MCC: variants seen among roughly 807,000 people sequenced by gnomAD.
The protein encoded by MCC is MCC regulator of Wnt signaling pathway.
MCC carries 90 observed loss-of-function variants against 116.2 expected under a neutral mutation model. That is an observed-to-expected ratio of 0.77 (90% CI 0.65 to 0.92). The LOEUF (loss-of-function observed/expected upper bound fraction) is 0.92. Ranked by LOEUF, MCC falls within the 40% of genes least tolerant of loss-of-function variation. The pLI is 0.00. For missense variants in MCC, 1,516 were observed against 1,312.2 expected, an observed-to-expected ratio of 1.16 and a Z score of -2.40; for synonymous variants, 578 against 510.5, an observed-to-expected ratio of 1.13 and a Z score of -1.78.
rs887655611 is a variant in MCC, at chr5:113,467,028, G to A, written c.170+21217C>T. On this transcript the variant is annotated intron_variant, in intron 1 of 18. Transcript: ENST00000408903. ...TATCCTTTGCCCACTTTTTGATGGG[G>A]TTGTTTGTTTTTTTCTTGTAAATTT... Among the ~76,000 whole-genome samples the A allele has an allele frequency of 1.4e-3, 209 of 150,714 alleles. 1 individual carries two copies. The highest frequency in any genetic ancestry group is 2.3e-3 in the Non-Finnish European group (154 of 67,286).
chr5:113,406,572 C>G (rs940482391), intron 1 of MCC, among the ~76,000 whole-genome samples: 8 of 152,166 alleles, frequency 5.3e-5, no homozygotes, highest in African/African-American at 1.9e-4. Context: ...TATTTGTAGT[C>G]TACATCTATA....
intron 3 of MCC, among the ~76,000 whole-genome samples, chr5:113,234,137 GA>G (rs1456485123): frequency 6.6e-6 from 1 of 152,108 alleles, no homozygotes; most frequent in Non-Finnish European, 1.5e-5. Flanking sequence ...TTATTTTCAT[GA>G]ACTGATAGTT....
At chr5:113,040,992 G>C (rs1474608405) in intron 17 of MCC, among the ~76,000 whole-genome samples, 1 of 152,212 alleles carries the variant, frequency 6.6e-6, no homozygotes, top group Admixed American at 6.5e-5. Flanking sequence ...AATAGCGAGT[G>C]GGATTTCCAT....
At chr5:113,369,789 A>C (rs1768794808) in intron 2 of MCC, among the ~76,000 whole-genome samples, 1 of 152,224 alleles carries the variant, frequency 6.6e-6, no homozygotes, top group Admixed American at 6.5e-5. Flanking sequence ...AAAGTGAAAC[A>C]GACAAAATGT....
At chr5:113,385,362 T>G in intron 1 of MCC, 150 bp from the exon 2 acceptor site, 1 of 872,716 alleles carries the variant, frequency 1.1e-6, no homozygotes, top group South Asian at 1.9e-5. Flanking sequence ...AAGTGATAAG[T>G]GTATGAAAAA....
chr5:113,103,767 A>G (rs1016736889), intron 7 of MCC, among the ~76,000 whole-genome samples: 19 of 152,218 alleles, frequency 1.2e-4, no homozygotes, highest in Non-Finnish European at 1.5e-5. Flanking sequence ...GATGCAACAA[A>G]TTCCTGTCAC....
chr5:113,056,261 G>C (rs532741258), intron 14 of MCC, among the ~76,000 whole-genome samples: 13 of 152,122 alleles, frequency 8.5e-5, no homozygotes, highest in Non-Finnish European at 1.9e-4. Flanking sequence ...CATAAAGTCA[G>C]GGTAAGGAAT....
intron 7 of MCC, among the ~76,000 whole-genome samples, chr5:113,103,126 A>G (rs1487580802): frequency 6.6e-6 from 1 of 152,128 alleles, no homozygotes; most frequent in African/African-American, 2.4e-5. Context: ...AAAAAATAAT[A>G]AAAATAATAA....
chr5:113,085,364 A>G (rs902551320), intron 8 of MCC, 54 bp from the exon 9 acceptor site: 2 of 1,539,726 alleles, frequency 1.3e-6, no homozygotes, highest in South Asian at 1.2e-5. Context: ...CTAAAGAGCA[A>G]AACAGCCAGA....
intron 6 of MCC, among the ~76,000 whole-genome samples, chr5:113,117,272 G>A (rs4705541): frequency 0.95 from 144,180 of 152,282 alleles, 68,677 homozygotes; most frequent in East Asian, 1. Flanking sequence ...TAAGCCAGGA[G>A]AATCTGGCTT....
chr5:113,289,569 A>T (rs1766405826), intron 3 of MCC, among the ~76,000 whole-genome samples: 1 of 152,050 alleles, frequency 6.6e-6, no homozygotes, highest in South Asian at 2.1e-4. Flanking sequence ...TTTTAAGAGA[A>T]CAGGCACCTT....
chr5:113,055,302 C>A (rs1752762451), intron 14 of MCC, among the ~76,000 whole-genome samples: 1 of 152,202 alleles, frequency 6.6e-6, no homozygotes, highest in Admixed American at 6.5e-5. Context: ...CCAGATGCCA[C>A]AAACCCAGGC....
intron 8 of MCC, among the ~76,000 whole-genome samples, chr5:113,096,639 A>G (rs979955407): frequency 6.6e-6 from 1 of 152,180 alleles, no homozygotes; most frequent in African/African-American, 2.4e-5. Flanking sequence ...AGGGCGCAGA[A>G]GCATTTAAAT....
In MCC at chr5:113,434,143, C is replaced by T. The variant is rs55940513; in HGVS notation, c.171-48931G>A. 64 of 1,614,026 alleles carry T rather than the reference C, an allele frequency of 4.0e-5. No homozygotes were observed. Among genetic ancestry groups the T allele is most frequent in the South Asian group, 2.2e-4 (20 of 91,088 alleles). On this transcript the variant is annotated intron_variant, in intron 1 of 18. Transcript: ENST00000408903. This position sits in a 1 kb window ranked among gnomAD's most constrained non-coding sequence, Gnocchi z 4.2. ...AGGTGCTTGGAGCGTGGGAAGTTGA[C>T]GCGGTGCTCCTTCTGGATACGCAGC...
At chr5:113,287,117 A>C (rs368689512) in intron 3 of MCC, among the ~76,000 whole-genome samples, 7 of 152,258 alleles carry the variant, frequency 4.6e-5, no homozygotes, top group African/African-American at 1.7e-4. Flanking sequence ...AATTACATAC[A>C]ATTTATCTCT....
chr5:113,214,948 G>A (rs1165549539), intron 3 of MCC, among the ~76,000 whole-genome samples: 1 of 152,182 alleles, frequency 6.6e-6, no homozygotes, highest in Admixed American at 6.5e-5. Flanking sequence ...CAGTGAGGCT[G>A]AACCTCCAAA....
intron 1 of MCC, among the ~76,000 whole-genome samples, chr5:113,464,957 T>A (rs915052358): frequency 6.6e-6 from 1 of 152,126 alleles, no homozygotes; most frequent in South Asian, 2.1e-4. Context: ...AGACATATAA[T>A]CCCTCTTAAC....
At chr5:113,316,285 T>C (rs1173765923) in intron 3 of MCC, among the ~76,000 whole-genome samples, 1 of 151,530 alleles carries the variant, frequency 6.6e-6, no homozygotes, top group Non-Finnish European at 1.5e-5. Context: ...AGAGATATGT[T>C]ATATTAAGTA....
chr5:113,052,122 T>C (rs551529427), intron 15 of MCC, among the ~76,000 whole-genome samples: 1 of 113,982 alleles, frequency 8.8e-6, no homozygotes, highest in Admixed American at 1.0e-4. Flanking sequence ...AAGGGAGTAT[T>C]AGAACTTTTA....
Sources: allele counts gnomAD v4.1 joint callset (sites outside exome capture counted in the v4.1 genomes callset), GRCh38; gene constraint gnomAD v4.1.1; non-coding constraint Gnocchi (gnomAD v3.1); transcripts MANE v1.5; gene names NCBI Gene and HGNC (gene_info 2026-07-23, HGNC 2026-07-21).